NYAP2: variants seen among roughly 807,000 people sequenced by gnomAD.
NYAP2 encodes the protein neuronal tyrosine-phosphorylated phosphoinositide-3-kinase adaptor 2.
In NYAP2, 23 loss-of-function variants were observed where a neutral mutation model predicts 50.4. The ratio of observed to expected loss-of-function variants is 0.46; its 90% CI spans 0.33 to 0.65. NYAP2 has a LOEUF of 0.65. Among genes scored for constraint, NYAP2 ranks in the 30% least tolerant of loss-of-function variants. NYAP2 has a pLI of 0.02. For missense variants in NYAP2, 885 were observed against 861.0 expected, an observed-to-expected ratio of 1.03 and a Z score of -0.35; for synonymous variants, 394 against 365.2, an observed-to-expected ratio of 1.08 and a Z score of -0.90.
intron 6 of NYAP2, among the ~76,000 whole-genome samples, chr2:225,644,065 G>A (rs201733487): frequency 6.9e-6 from 1 of 145,052 alleles, no homozygotes; most frequent in African/African-American, 2.6e-5. Flanking sequence ...CACCAACAGT[G>A]TAAAAGTGTT....
At chr2:225,635,287 T>C (rs1396343303) in intron 6 of NYAP2, among the ~76,000 whole-genome samples, 1 of 152,166 alleles carries the variant, frequency 6.6e-6, no homozygotes, top group African/African-American at 2.4e-5. Flanking sequence ...TGTAAGTAAA[T>C]CATGCTTGGC....
intron 4 of NYAP2, among the ~76,000 whole-genome samples, chr2:225,578,679 G>C (rs769522728): frequency 2.2e-4 from 34 of 152,136 alleles, no homozygotes; most frequent in Non-Finnish European, 4.1e-4. Flanking sequence ...GGAGATAAGG[G>C]ACAGGGAGCA....
At chr2:225,594,477 C>T (rs998116935) in intron 5 of NYAP2, among the ~76,000 whole-genome samples, 3 of 151,858 alleles carry the variant, frequency 2.0e-5, no homozygotes, top group Admixed American at 1.3e-4. Flanking sequence ...GAGCCGAGAT[C>T]GTGCCACTGC....
chr2:225,479,610 A>G (rs1304372390), intron 3 of NYAP2, among the ~76,000 whole-genome samples: 1 of 152,046 alleles, frequency 6.6e-6, no homozygotes, highest in East Asian at 1.9e-4. Flanking sequence ...ATCGGTTCCA[A>G]TGCATTGTGA....
intron 3 of NYAP2, among the ~76,000 whole-genome samples, chr2:225,486,962 T>C (rs981712091): frequency 2.0e-5 from 3 of 152,218 alleles, no homozygotes; most frequent in Non-Finnish European, 4.4e-5. Context: ...ACCACTGGGA[T>C]TGGAAAACAT....
intron 5 of NYAP2, among the ~76,000 whole-genome samples, chr2:225,602,235 CAG>C (rs1298661267): frequency 2.0e-5 from 3 of 152,154 alleles, no homozygotes; most frequent in African/African-American, 7.2e-5. Context: ...TGGGACCAAT[CAG>C]GGGCTGAAGT....
chr2:225,654,075 A>G (rs1054853864), downstream of NYAP2: 1 of 152,022 alleles, frequency 6.6e-6, no homozygotes, highest in Non-Finnish European at 1.5e-5. Flanking sequence ...TTTCTCACCT[A>G]CTTCCCATGC....
chr2:225,581,051 G>A (rs1164230343), intron 4 of NYAP2, among the ~76,000 whole-genome samples: 3 of 152,182 alleles, frequency 2.0e-5, no homozygotes, highest in South Asian at 2.1e-4. Context: ...CCTCTTCCGT[G>A]CTATTGTATG....
chr2:225,437,925 G>A (rs1301191330), intron 3 of NYAP2, among the ~76,000 whole-genome samples: 1 of 152,122 alleles, frequency 6.6e-6, no homozygotes, highest in South Asian at 2.1e-4. Flanking sequence ...CCACAGACCA[G>A]ATCATGATAA....
chr2:225,474,787 T>C (rs890953090), intron 3 of NYAP2, among the ~76,000 whole-genome samples: 2 of 152,242 alleles, frequency 1.3e-5, no homozygotes, highest in Non-Finnish European at 2.9e-5. Context: ...CTTTTCCTAA[T>C]TGAATACCCT....
At chr2:225,435,264 T>G (rs997115652) in intron 3 of NYAP2, among the ~76,000 whole-genome samples, 2 of 152,214 alleles carry the variant, frequency 1.3e-5, no homozygotes, top group African/African-American at 2.4e-5. Context: ...TCATTTTATT[T>G]TATTGAATAC....
At chr2:225,574,099 T>C (rs533446678) in intron 4 of NYAP2, among the ~76,000 whole-genome samples, 15 of 152,162 alleles carry the variant, frequency 9.9e-5, no homozygotes, top group African/African-American at 3.6e-4. Flanking sequence ...GAAATCAAGG[T>C]TTCATTATCT....
chr2:225,631,766 A>G lies in NYAP2; in HGVS notation c.1828+4640A>G, dbSNP rs148139620. ...AATGCCAAAAATGGCAAAAATGTAT[A>G]GAGTATCTGAAGTTCACACTCACCT... On this transcript the variant is annotated intron_variant, in intron 6 of 6. Transcript: ENST00000636099. 5.3e-5 allele frequency among the ~76,000 whole-genome samples: 8 copies of G among 152,308 alleles called. No homozygotes were observed. The East Asian group carries it at 1.5e-3, about 29-fold the overall frequency.
chr2:225,437,555 A>G (rs1689399636), intron 3 of NYAP2, among the ~76,000 whole-genome samples: 1 of 152,186 alleles, frequency 6.6e-6, no homozygotes, highest in Non-Finnish European at 1.5e-5. Flanking sequence ...ACTAATTGGA[A>G]CAAAGTCACA....
intron 3 of NYAP2, among the ~76,000 whole-genome samples, chr2:225,486,822 A>G (rs1690308159): frequency 6.6e-6 from 1 of 152,150 alleles, no homozygotes; most frequent in Non-Finnish European, 1.5e-5. Flanking sequence ...AAATTATCAG[A>G]TACCAGCCAT....
chr2:225,658,473 T>C (rs1366934596), downstream of NYAP2, among the ~76,000 whole-genome samples: 1 of 152,204 alleles, frequency 6.6e-6, no homozygotes, highest in African/African-American at 2.4e-5. Context: ...AAAAATGATA[T>C]TTACCAAAGA....
At chr2:225,632,667 C>A (rs1693342453) in intron 6 of NYAP2, among the ~76,000 whole-genome samples, 1 of 152,090 alleles carries the variant, frequency 6.6e-6, no homozygotes, top group Non-Finnish European at 1.5e-5. Context: ...AACTGGGACC[C>A]AAATGCTCAT....
At chr2:225,440,913 C>T (rs1341042767) in intron 3 of NYAP2, among the ~76,000 whole-genome samples, 1 of 152,202 alleles carries the variant, frequency 6.6e-6, no homozygotes, top group East Asian at 1.9e-4. Context: ...CAAAATCTGG[C>T]TGTCTCCATG....
chr2:225,668,558 C>T, the NYAP2 span, among the ~76,000 whole-genome samples: 1 of 152,082 alleles, frequency 6.6e-6, no homozygotes, highest in African/African-American at 2.4e-5. Flanking sequence ...ATATATTTGA[C>T]CTAATGTTTT....
Sources: gnomAD v4.1 joint callset for allele counts (sites outside exome capture counted in the v4.1 genomes callset) on GRCh38, gnomAD v4.1.1 for gene constraint, MANE v1.5 for transcripts, NCBI Gene and HGNC (gene_info 2026-07-23, HGNC 2026-07-21) for gene names.